The following LTV1 variants were observed in gnomAD, a reference collection of about 807,000 sequenced individuals.
The protein encoded by LTV1 is protein LTV1 homolog.
In LTV1, 39 loss-of-function variants were observed where a neutral mutation model predicts 59.9. That is an observed-to-expected ratio of 0.65 (90% CI 0.50 to 0.85). LTV1 has a LOEUF of 0.85. Ranked by LOEUF, LTV1 falls within the 40% of genes least tolerant of loss-of-function variation. The probability of loss-of-function intolerance (pLI) is 0.00; values close to 1 mark genes in which losing one functional copy is unlikely to be tolerated. For synonymous variants in LTV1, 171 were observed against 189.5 expected (o/e 0.90, Z 0.80); for missense variants, 493 against 549.1 (o/e 0.90, Z 1.02).
At chr6:143,846,001 C>A (rs777437124) in intron 2 of LTV1, 50 bp from the exon 3 acceptor site, 2 of 1,566,388 alleles carry the variant, frequency 1.3e-6, no homozygotes, top group South Asian at 2.3e-5. Flanking sequence ...TTACTGATTC[C>A]ATTTTGTTTA....
chr6:143,861,695 G>A (rs1194707371), intron 7 of LTV1, among the ~76,000 whole-genome samples: 2 of 152,176 alleles, frequency 1.3e-5, no homozygotes, highest in Non-Finnish European at 2.9e-5. Context: ...AACTGATGAA[G>A]TGTTCAAATC....
At position 143,857,886 on chromosome 6, in the gene LTV1, C is replaced by CTA; in HGVS notation, c.677_678dup (p.Ala227Ter). 7 of 1,614,084 alleles carry CTA rather than the reference C, an allele frequency of 4.3e-6. No individual in the cohort carries two copies. Among genetic ancestry groups the CTA allele is most frequent in the Non-Finnish European group, 5.1e-6 (6 of 1,180,012 alleles). The stretch of plus-strand genomic sequence containing the variant: ...TCTGTGCCCGGAAAAACTCACAGAG[C>CTA]TATAGCAGATCACTTGTTCTGGAGT... On this transcript the variant is annotated frameshift_variant, in exon 6 of 11. Coordinates refer to ENST00000367576, the MANE Select transcript of LTV1 (RefSeq NM_032860.5). LOFTEE classifies it high-confidence loss of function. The surrounding 1 kb of genome is among the most constrained non-coding windows in gnomAD (Gnocchi z 5.2).
intron 4 of LTV1, among the ~76,000 whole-genome samples, chr6:143,850,726 C>G (rs560212055): frequency 5.3e-5 from 8 of 152,120 alleles, no homozygotes; most frequent in Admixed American, 2.6e-4. Context: ...CCCAAGTTGC[C>G]TTAATTATTA....
chr6:143,850,039 A>G (rs1776956268), intron 3 of LTV1, 92 bp from the exon 4 acceptor site: 2 of 901,010 alleles, frequency 2.2e-6, no homozygotes, highest in Middle Eastern at 2.2e-4. Flanking sequence ...AAGGTTCTGG[A>G]TGGACATTGA....
At position 143,862,180 on chromosome 6, in the gene LTV1, G is replaced by A; in HGVS notation, c.1000G>A (p.Glu334Lys). ...PMNELDESEE[E>K]EMITVVLEEA... ...GAATGAGCTTGATGAGTCTGAGGAG[G>A]AAGAAATGATTACTGTAGTCCTTGA... The change falls in exon 8 of 11, where the codon GAA (glutamate) becomes AAA (lysine). Residue 334 changes from glutamate to lysine, a missense_variant. Transcript: ENST00000367576. This position sits in a 1 kb window ranked among gnomAD's most constrained non-coding sequence, Gnocchi z 4.2. 1.2e-6 allele frequency: 2 copies of A among 1,613,966 alleles called. No individual in the cohort carries two copies. Among genetic ancestry groups the A allele is most frequent in the Non-Finnish European group, 8.5e-7 (1 of 1,179,858 alleles).
chr6:143,843,537 C>G, intron 1 of LTV1, 57 bp downstream of exon 1: 2 of 1,610,162 alleles, frequency 1.2e-6, no homozygotes, highest in South Asian at 1.1e-5. Context: ...AGAGGCCAGG[C>G]TGCTTCCGGT....
At position 143,863,266 on chromosome 6, in the gene LTV1, G is replaced by A. The variant is rs1777204254; in HGVS notation, c.1297G>A (p.Ala433Thr). The A allele has an allele frequency of 6.2e-7, 1 of 1,613,716 alleles. No individual in the cohort carries two copies. The highest frequency in any genetic ancestry group is 8.5e-7 in the Non-Finnish European group (1 of 1,179,916). Reference protein sequence around the residue: ...SKEDKRARKQAIKEERKERRV... With the variant: ...SKEDKRARKQTIKEERKERRV... ...AGAAGATAAAAGAGCAAGAAAGCAA[G>A]CTATAAAAGAAGAGCGCAAGGTAAA... Residue 433 changes from alanine to threonine, a missense_variant, in exon 10 of 11, where the codon GCT becomes ACT. Physicochemically the swap from Ala to Thr is moderately conservative, Grantham distance 58 (BLOSUM62 0). Transcript: ENST00000367576. This position sits in a 1 kb window ranked among gnomAD's most constrained non-coding sequence, Gnocchi z 4.5.
chr6:143,849,805 G>A (rs1776951291), intron 3 of LTV1, among the ~76,000 whole-genome samples: 1 of 152,156 alleles, frequency 6.6e-6, no homozygotes, highest in Admixed American at 6.6e-5. Context: ...GGGGCTTAGA[G>A]GGAGAGGCTG....
Position 143,863,015 on chromosome 6 carries a change from G to T in LTV1, c.1117-71G>T. The T allele has an allele frequency of 6.8e-7, 1 of 1,468,126 alleles. No homozygotes were observed. Among genetic ancestry groups the T allele is most frequent in the South Asian group, 1.1e-5 (1 of 87,244 alleles). 90.9% of individuals were successfully genotyped at this position (1,468,126 alleles called of 1,614,324 possible). A position where few individuals can be genotyped will look rare whatever the true frequency, so the allele number is the denominator to read the frequency against. On this transcript the variant is annotated intron_variant, in intron 9 of 10. Transcript: ENST00000367576. The surrounding 1 kb of genome is among the most constrained non-coding windows in gnomAD (Gnocchi z 4.5). ...AGTGATATTAGAAAAAGCATCAACA[G>T]TATGTCATTAATGAGCTATTTTTTA...
chr6:143,857,635 C>T lies in LTV1; in HGVS notation c.540-117C>T. 8.2e-7 allele frequency: 1 copy of T among 1,225,282 alleles called. No individual in the cohort carries two copies. Among genetic ancestry groups the T allele is most frequent in the Non-Finnish European group, 1.2e-6 (1 of 856,128 alleles). 75.9% of individuals were successfully genotyped at this position (1,225,282 alleles called of 1,614,324 possible). ...ACCAGATTGATCAAACACCCTCACT[C>T]TTCCTGCCTAGACAAGAACCCTTCC... On this transcript the variant is annotated intron_variant, in intron 5 of 10. Coordinates refer to ENST00000367576, the MANE Select transcript of LTV1 (RefSeq NM_032860.5). The surrounding 1 kb of genome is among the most constrained non-coding windows in gnomAD (Gnocchi z 5.2).
chr6:143,862,447 A>G lies in LTV1; in HGVS notation c.1063+204A>G, dbSNP rs543828032. ...TAAAAAATACAAAAATTAGCCAGGT[A>G]TGGTGGCAGGCAACTGTAATCCCAG... On this transcript the variant is annotated intron_variant, in intron 8 of 10. Coordinates refer to ENST00000367576, the MANE Select transcript of LTV1 (RefSeq NM_032860.5). The surrounding 1 kb of genome is among the most constrained non-coding windows in gnomAD (Gnocchi z 4.2). 6.6e-6 allele frequency among the ~76,000 whole-genome samples: 1 copy of G among 152,150 alleles called. No homozygotes were observed. Among genetic ancestry groups the G allele is most frequent in the East Asian group, 1.9e-4 (1 of 5,174 alleles).
At chr6:143,851,805 T>C (rs1467791862) in intron 4 of LTV1, among the ~76,000 whole-genome samples, 4 of 152,134 alleles carry the variant, frequency 2.6e-5, no homozygotes, top group Non-Finnish European at 5.9e-5. Context: ...CTCCCACTTA[T>C]GAGTGAGAAC....
chr6:143,853,028 C>T (rs1777012552), intron 4 of LTV1, among the ~76,000 whole-genome samples: 2 of 151,602 alleles, frequency 1.3e-5, no homozygotes, highest in Non-Finnish European at 3.0e-5. Flanking sequence ...GTTCTTTCTG[C>T]TTAGGATTAT....
rs940914261 is a variant in LTV1, at chr6:143,862,823, G to T, written c.1064-21G>T. ...ACTGAAAACATGCTTACTGATACAT[G>T]ACTTTTATTTGTTTGTTTAGGTACA... On this transcript the variant is annotated intron_variant, in intron 8 of 10. Coordinates refer to ENST00000367576, the MANE Select transcript of LTV1 (RefSeq NM_032860.5). The surrounding 1 kb of genome is among the most constrained non-coding windows in gnomAD (Gnocchi z 4.2). 2 of 1,441,120 alleles carry T rather than the reference G, an allele frequency of 1.4e-6. No individual in the cohort carries two copies. Among genetic ancestry groups the T allele is most frequent in the South Asian group, 1.1e-5 (1 of 87,328 alleles). The allele number at this position is 1,441,120 out of a possible 1,614,324, so 89.3% of individuals were successfully genotyped here.
intron 1 of LTV1, 54 bp from the exon 2 acceptor site, chr6:143,844,432 T>A: frequency 1.3e-6 from 2 of 1,592,368 alleles, no homozygotes; most frequent in South Asian, 1.1e-5. Context: ...ATGGAATTAT[T>A]CTCCGTCTTT....
At chr6:143,845,940 C>T (rs1353796027) in intron 2 of LTV1, 111 bp from the exon 3 acceptor site, 18 of 962,622 alleles carry the variant, frequency 1.9e-5, no homozygotes, top group Non-Finnish European at 2.7e-5. Flanking sequence ...CTGCCTCCTA[C>T]TTGGAAAGCT....
Position 143,862,870 on chromosome 6 carries a change from C to A in LTV1, c.1090C>A (p.Pro364Thr). 6.3e-7 allele frequency: 1 copy of A among 1,593,894 alleles called. No individual in the cohort carries two copies. The highest frequency in any genetic ancestry group is 8.6e-7 in the Non-Finnish European group (1 of 1,161,754). ...CSTYSNLYNH[P>T]QLIKYQPKPK... ...TACATACTCAAATTTATATAACCAT[C>A]CACAGCTTATCAAGTATCAACCAAA... Residue 364 changes from proline to threonine, a missense_variant, in exon 9 of 11, where the codon CCA becomes ACA. Pro to Thr is a conservative substitution (Grantham distance 38). Coordinates refer to ENST00000367576, the MANE Select transcript of LTV1 (RefSeq NM_032860.5). The surrounding 1 kb of genome is among the most constrained non-coding windows in gnomAD (Gnocchi z 4.2).
In LTV1 at chr6:143,846,065, A is replaced by G. The variant is rs1776883709; in HGVS notation, c.150A>G (p.Glu50=). Residue 50 remains glutamate (E), a synonymous_variant, in exon 3 of 11, where the codon GAA becomes GAG. Transcript: ENST00000367576. ...LLPTQKIDNE[E]RRAEQRKYGV... is the part of the protein sequence containing the mutation. The stretch of plus-strand genomic sequence containing the variant: ...TTCGTTTATAGATAGACAATGAAGA[A>G]AGGCGAGCAGAACAGAGGAAGTATG... 6.2e-7 allele frequency: 1 copy of G among 1,612,760 alleles called. No individual in the cohort carries two copies. The highest frequency in any genetic ancestry group is 8.5e-7 in the Non-Finnish European group (1 of 1,179,670).
Position 143,862,036 on chromosome 6 carries a change from G to T in LTV1, c.924-68G>T. 9 of 1,497,410 alleles carry T rather than the reference G, an allele frequency of 6.0e-6. No homozygotes were observed. The highest frequency in any genetic ancestry group is 8.1e-6 in the Non-Finnish European group (9 of 1,105,726). 92.8% of individuals were successfully genotyped at this position (1,497,410 alleles called of 1,614,324 possible). On this transcript the variant is annotated intron_variant, in intron 7 of 10. Transcript: ENST00000367576. This position sits in a 1 kb window ranked among gnomAD's most constrained non-coding sequence, Gnocchi z 4.2. The stretch of plus-strand genomic sequence containing the variant: ...TCCACAGCTAAAAATTGCAGTTTTA[G>T]TGACATAGTATAATAATAGGTCATT...
Sources: allele counts gnomAD v4.1 joint callset (sites outside exome capture counted in the v4.1 genomes callset), GRCh38; gene constraint gnomAD v4.1.1; non-coding constraint Gnocchi (gnomAD v3.1); transcripts MANE v1.5; gene names NCBI Gene and HGNC (gene_info 2026-07-23, HGNC 2026-07-21).